The following EP300 variants were observed in gnomAD, a reference collection of about 807,000 sequenced individuals.
EP300 encodes histone acetyltransferase p300.
A neutral mutation model predicts 264.0 loss-of-function variants in EP300; 31 were observed. That is an observed-to-expected ratio of 0.12 (90% CI 0.09 to 0.16). The LOEUF (loss-of-function observed/expected upper bound fraction) is 0.16, where lower values mean the gene tolerates loss of function less well. Among genes scored for constraint, EP300 ranks in the 10% least tolerant of loss-of-function variants. EP300 has a pLI of 1.00. For missense variants in EP300, 2,766 were observed against 3,052.9 expected (o/e 0.91, Z 2.21); for synonymous variants, 1,340 against 1,045.4 (o/e 1.28, Z -5.44).
intron 27 of EP300, among the ~76,000 whole-genome samples, chr22:41,171,759 G>A (rs2059172107): frequency 6.6e-6 from 1 of 151,380 alleles, no homozygotes; most frequent in South Asian, 2.1e-4. Context: ...TTACAGGCAT[G>A]CACCACCAAG....
chr22:41,174,588 T>C (rs1377854245), intron 29 of EP300: 2 of 152,140 alleles, frequency 1.3e-5, no homozygotes, highest in Non-Finnish European at 2.9e-5. Context: ...AAGGTTTTTT[T>C]TTTCTCTCTT....
intron 4 of EP300, among the ~76,000 whole-genome samples, chr22:41,129,587 T>G (rs1223542271): frequency 1.3e-5 from 2 of 152,230 alleles, no homozygotes; most frequent in East Asian, 1.9e-4. Flanking sequence ...TGGTTTAGAG[T>G]ACATTTGCTT....
In EP300 at chr22:41,166,592, C is replaced by T. The variant is rs1200883341; in HGVS notation, c.3807-7C>T. 1.9e-6 allele frequency: 3 copies of T among 1,612,010 alleles called. No individual in the cohort carries two copies. The highest frequency in any genetic ancestry group is 2.5e-6 in the Non-Finnish European group (3 of 1,178,576). ...GTTGTGTAAGCAAAGTTTTGGTTTA[C>T]ATTTAGATTCGTCTGTGATGGCTGT... On this transcript the variant is annotated splice_polypyrimidine_tract_variant and splice_region_variant and intron_variant, in intron 22 of 30. Transcript: ENST00000263253.
intron 1 of EP300, among the ~76,000 whole-genome samples, chr22:41,109,270 A>G (rs1380869537): frequency 1.4e-5 from 2 of 146,758 alleles, no homozygotes; most frequent in Non-Finnish European, 3.0e-5. Flanking sequence ...AAAAAAAAAC[A>G]AAAAAAAACG....
In EP300 at chr22:41,170,356, T is replaced by G. The variant is rs201416577; in HGVS notation, c.4287-50T>G. On this transcript the variant is annotated intron_variant, in intron 26 of 30. Coordinates refer to ENST00000263253, the MANE Select transcript of EP300 (RefSeq NM_001429.4). ...ACTTGTGGTTTAAAATGTAGCCTTC[T>G]AGAATAGATTATCTCTTTTCCTTAA... The G allele has an allele frequency of 3.8e-4, 597 of 1,567,258 alleles. 1 individual carries two copies. The highest frequency in any genetic ancestry group is 2.8e-4 in the Non-Finnish European group (315 of 1,137,810).
chr22:41,144,321 TTTTG>T (rs2058998875), intron 10 of EP300, among the ~76,000 whole-genome samples: 1 of 152,212 alleles, frequency 6.6e-6, no homozygotes, highest in East Asian at 1.9e-4. Context: ...AGATGGACAT[TTTTG>T]TTTGTGTATA....
chr22:41,156,577 T>C (rs1030112554), intron 17 of EP300, among the ~76,000 whole-genome samples: 2 of 151,954 alleles, frequency 1.3e-5, no homozygotes, highest in African/African-American at 4.8e-5. Context: ...AAAAAGTAAC[T>C]GGGCGTGGTG....
chr22:41,148,903 C>T, intron 12 of EP300, 135 bp from the exon 13 acceptor site: 1 of 1,129,540 alleles, frequency 8.9e-7, no homozygotes, highest in Non-Finnish European at 1.3e-6. Context: ...CCTCTTCAGC[C>T]CTCTTCACCT....
At chr22:41,163,672 G>A (rs553350630) in intron 21 of EP300, among the ~76,000 whole-genome samples, 8 of 151,850 alleles carry the variant, frequency 5.3e-5, no homozygotes, top group South Asian at 4.2e-4. Flanking sequence ...GCTGGAACCC[G>A]GGAGGCAGGG....
chr22:41,102,913 G>A (rs1038427177), intron 1 of EP300, among the ~76,000 whole-genome samples: 6 of 151,974 alleles, frequency 3.9e-5, no homozygotes, highest in African/African-American at 1.2e-4. Flanking sequence ...GCAGTGGTGT[G>A]ATCTCAGCTC....
Position 41,176,823 on chromosome 22 carries a change from A to G in EP300, c.5112A>G (p.Lys1704=). 6.2e-7 allele frequency: 1 copy of G among 1,614,138 alleles called. No homozygotes were observed. ...TCYNTKNHDH[K]MEKLGLGLDD... ...ATAACACTAAAAACCATGACCACAA[A>G]ATGGAGAAACTAGGCCTTGGCTTAG... The change falls in exon 31 of 31, where the codon AAA becomes AAG. Residue 1704 remains lysine (K), a synonymous_variant. Coordinates refer to ENST00000263253, the MANE Select transcript of EP300 (RefSeq NM_001429.4).
intron 8 of EP300, among the ~76,000 whole-genome samples, chr22:41,138,820 CTATT>C (rs964973963): frequency 3.3e-5 from 5 of 152,106 alleles, no homozygotes; most frequent in African/African-American, 9.7e-5. Flanking sequence ...GACTGAGGAA[CTATT>C]TATCATTTTG....
chr22:41,156,887 TCTCA>T (rs2059080539), intron 17 of EP300, among the ~76,000 whole-genome samples: 1 of 152,228 alleles, frequency 6.6e-6, no homozygotes, highest in Non-Finnish European at 1.5e-5. Context: ...ACTTTACTGA[TCTCA>T]CATGTACTTT....
Position 41,162,575 on chromosome 22 carries a change from G to C in EP300, c.3672-148G>C, listed in dbSNP as rs2059113792. On this transcript the variant is annotated intron_variant, in intron 20 of 30. Coordinates refer to ENST00000263253, the MANE Select transcript of EP300 (RefSeq NM_001429.4). ...ATTCCTTTACATAAACATGCATTTT[G>C]TGTGAGCCAAGAATACACCTATTTA... The C allele has an allele frequency of 1.4e-5, 9 of 648,652 alleles. 1 individual carries two copies. The South Asian group carries it at 1.6e-4, about 11-fold the overall frequency. The allele number at this position is 648,652 out of a possible 1,614,324, so 40.2% of individuals were successfully genotyped here.
chr22:41,119,830 A>G (rs926036448), intron 2 of EP300, among the ~76,000 whole-genome samples: 14 of 152,068 alleles, frequency 9.2e-5, no homozygotes, highest in African/African-American at 3.4e-4. Flanking sequence ...TTTGATTTTT[A>G]TTTTGAGACC....
intron 1 of EP300, among the ~76,000 whole-genome samples, chr22:41,096,024 A>G (rs1391129608): frequency 6.6e-6 from 1 of 152,198 alleles, no homozygotes. Context: ...GGGGAAGAGA[A>G]GACTTATTTG....
rs1166589601 is a variant in EP300, at chr22:41,177,277, A to G, written c.5566A>G (p.Thr1856Ala). The G allele has an allele frequency of 1.2e-6, 2 of 1,613,834 alleles. No individual in the cohort carries two copies. The highest frequency in any genetic ancestry group is 1.6e-4 in the Middle Eastern group (1 of 6,062). The change falls in exon 31 of 31, where the codon ACG (threonine) becomes GCG (alanine). Residue 1856 changes from threonine to alanine, a missense_variant. Physicochemically the swap from Thr to Ala is moderately conservative, Grantham distance 58. Coordinates refer to ENST00000263253, the MANE Select transcript of EP300 (RefSeq NM_001429.4). ...GLPSPTPATPTTPTGQQPTTP... is the reference protein window; with the variant it reads ...GLPSPTPATPATPTGQQPTTP... ...CCCTTCCCCCACTCCTGCCACTCCA[A>G]CGACACCAACTGGCCAACAGCCAAC...
chr22:41,167,234 T>C (rs1001961052), intron 23 of EP300, among the ~76,000 whole-genome samples: 1 of 152,212 alleles, frequency 6.6e-6, no homozygotes, highest in Non-Finnish European at 1.5e-5. Flanking sequence ...TGATCACAGG[T>C]GATCCACCCA....
At chr22:41,145,600 A>G (rs1318912473) in intron 10 of EP300, among the ~76,000 whole-genome samples, 1 of 152,252 alleles carries the variant, frequency 6.6e-6, no homozygotes, top group African/African-American at 2.4e-5. Flanking sequence ...AATCCAGGAA[A>G]AAGACCTTAG....
Sources: gnomAD v4.1 joint callset for allele counts (sites outside exome capture counted in the v4.1 genomes callset) on GRCh38, gnomAD v4.1.1 for gene constraint, MANE v1.5 for transcripts, NCBI Gene and HGNC (gene_info 2026-07-23, HGNC 2026-07-21) for gene names.